The following FBXL4 variants were observed in gnomAD, a reference collection of about 807,000 sequenced individuals.
FBXL4 encodes F-box/LRR-repeat protein 4.
In FBXL4, 40 loss-of-function variants were observed where a neutral mutation model predicts 58.9. The observed-to-expected ratio is 0.68, with a 90% CI of 0.53 to 0.88. FBXL4 has a LOEUF of 0.88. Ranked by LOEUF, FBXL4 falls within the 40% of genes least tolerant of loss-of-function variation. The pLI is 0.00. For synonymous variants in FBXL4, 263 were observed against 265.5 expected, an observed-to-expected ratio of 0.99 and a Z score of 0.09; for missense variants, 676 against 734.4, an observed-to-expected ratio of 0.92 and a Z score of 0.92.
At chr6:98,910,906 G>A (rs1562234771) in intron 5 of FBXL4, among the ~76,000 whole-genome samples, 2 of 152,214 alleles carry the variant, frequency 1.3e-5, no homozygotes, top group Admixed American at 1.3e-4. Flanking sequence ...CAAGGGATCA[G>A]GGAGTTCCCT....
Position 98,899,581 on chromosome 6 carries a change from T to C in FBXL4, c.1104-100A>G, listed in dbSNP as rs985442926. On this transcript the variant is annotated intron_variant, in intron 6 of 9. Coordinates refer to ENST00000369244, the MANE Select transcript of FBXL4 (RefSeq NM_001278716.2). ...CTCTAAGTAGATACATTTGAAAGAA[T>C]AGATTTCTATTAGGGAAAATGTAAA... 43 of 1,300,116 alleles carry C rather than the reference T, an allele frequency of 3.3e-5. No homozygotes were observed. The African/African-American group carries it at 4.0e-4, about 12-fold the overall frequency. The allele number at this position is 1,300,116 out of a possible 1,614,324, so 80.5% of individuals were successfully genotyped here. A position where few individuals can be genotyped will look rare whatever the true frequency, so the allele number is the denominator to read the frequency against.
chr6:98,912,087 T>C (rs894578593), intron 5 of FBXL4, among the ~76,000 whole-genome samples: 2 of 151,810 alleles, frequency 1.3e-5, no homozygotes, highest in African/African-American at 4.8e-5. Context: ...TGATGGAAGA[T>C]GAAATGAATG....
At chr6:98,886,337 A>C (rs1405191045) in intron 7 of FBXL4, among the ~76,000 whole-genome samples, 6 of 152,150 alleles carry the variant, frequency 3.9e-5, no homozygotes, top group African/African-American at 1.4e-4. Context: ...GGTGTGTATA[A>C]AACTTACAGC....
At chr6:98,887,456 A>G (rs937675435) in intron 7 of FBXL4, among the ~76,000 whole-genome samples, 1 of 152,190 alleles carries the variant, frequency 6.6e-6, no homozygotes, top group Non-Finnish European at 1.5e-5. Context: ...ACTGAAGTCT[A>G]ATTATATATG....
Position 98,917,369 on chromosome 6 carries a change from C to G in FBXL4, c.858+5G>C, listed in dbSNP as rs1257765682. 1 of 1,578,868 alleles carries G rather than the reference C, an allele frequency of 6.3e-7. No individual in the cohort carries two copies. Among genetic ancestry groups the G allele is most frequent in the Non-Finnish European group, 8.6e-7 (1 of 1,162,332 alleles). On this transcript the variant is annotated splice_donor_5th_base_variant and intron_variant, in intron 5 of 9. Transcript: ENST00000369244. ...CAATACTGCTGCTAAATATTTTTGG[C>G]TTACCTCATAAGGTAGTTTATCAAA...
At position 98,873,095 on chromosome 6, in the gene FBXL4, A is replaced by G. The variant is rs1455862659; in HGVS notation, c.*1183T>C. The G allele has an allele frequency of 6.6e-6, 1 of 151,866 alleles. No homozygotes were observed. Among genetic ancestry groups the G allele is most frequent in the Non-Finnish European group, 1.5e-5 (1 of 67,966 alleles). 9.4% of individuals were successfully genotyped at this position (151,866 alleles called of 1,614,324 possible). A position where few individuals can be genotyped will look rare whatever the true frequency, so the allele number is the denominator to read the frequency against. ...GCATGAAAAGGCACAGCTGTTTTGA[A>G]CACAAAACTAATATTAACTGTAGTA... On this transcript the variant is annotated 3_prime_UTR_variant, in exon 10 of 10. Transcript: ENST00000369244.
chr6:98,913,547 A>G (rs1274562108), intron 5 of FBXL4, among the ~76,000 whole-genome samples: 1 of 152,174 alleles, frequency 6.6e-6, no homozygotes, highest in Non-Finnish European at 1.5e-5. Context: ...AAACTGAACA[A>G]CCTGCTCCTG....
At chr6:98,922,191 G>C (rs548059608) in intron 4 of FBXL4, among the ~76,000 whole-genome samples, 5 of 152,264 alleles carry the variant, frequency 3.3e-5, no homozygotes, top group Middle Eastern at 3.4e-3. Context: ...CTCCCAAAGT[G>C]CTGGGATTAC....
At chr6:98,891,150 T>C (rs1771212617) in intron 7 of FBXL4, among the ~76,000 whole-genome samples, 1 of 152,188 alleles carries the variant, frequency 6.6e-6, no homozygotes, top group African/African-American at 2.4e-5. Context: ...TAATATTGTC[T>C]TTCACAACTT....
At chr6:98,939,988 A>C (rs1258405225) in intron 1 of FBXL4, among the ~76,000 whole-genome samples, 1 of 152,210 alleles carries the variant, frequency 6.6e-6, no homozygotes, top group Non-Finnish European at 1.5e-5. Flanking sequence ...TACCACAGCT[A>C]ATTTTATGCA....
chr6:98,911,952 T>C (rs1034814979), intron 5 of FBXL4, among the ~76,000 whole-genome samples: 1 of 152,056 alleles, frequency 6.6e-6, no homozygotes, highest in Non-Finnish European at 1.5e-5. Flanking sequence ...AATGTATAAC[T>C]AGAATAACCA....
intron 7 of FBXL4, chr6:98,898,462 G>A (rs1771483733): frequency 2.0e-6 from 2 of 978,606 alleles, no homozygotes; most frequent in Non-Finnish European, 2.4e-6. Flanking sequence ...AAAATTAGCT[G>A]GGCATGGTGG....
At chr6:98,936,865 G>A (rs944884603) in intron 1 of FBXL4, among the ~76,000 whole-genome samples, 44 of 152,280 alleles carry the variant, frequency 2.9e-4, no homozygotes, top group African/African-American at 1.1e-3. Context: ...TTTGTGTCTA[G>A]CTTATTTTGT....
chr6:98,892,990 A>C (rs1363592477), intron 7 of FBXL4, among the ~76,000 whole-genome samples: 1 of 152,148 alleles, frequency 6.6e-6, no homozygotes, highest in Admixed American at 6.5e-5. Context: ...TATAACTCCA[A>C]CTTTTAAAAA....
intron 7 of FBXL4, among the ~76,000 whole-genome samples, chr6:98,890,844 G>A (rs564737221): frequency 6.6e-6 from 1 of 152,154 alleles, no homozygotes; most frequent in African/African-American, 2.4e-5. Flanking sequence ...GCTTGGACTA[G>A]GGAGGCGGAG....
At chr6:98,899,194 T>G in intron 7 of FBXL4, 74 bp downstream of exon 7, 1 of 1,577,842 alleles carries the variant, frequency 6.3e-7, no homozygotes, top group Non-Finnish European at 8.6e-7. Context: ...CACATTATTA[T>G]GAGCAATTAC....
intron 7 of FBXL4, among the ~76,000 whole-genome samples, chr6:98,886,862 T>C (rs545238451): frequency 1.3e-5 from 2 of 152,200 alleles, no homozygotes; most frequent in African/African-American, 4.8e-5. Flanking sequence ...CTTGGAACAC[T>C]GTCACCTAGC....
intron 2 of FBXL4, among the ~76,000 whole-genome samples, chr6:98,928,155 C>A (rs142403134): frequency 6.6e-6 from 1 of 152,116 alleles, no homozygotes; most frequent in Non-Finnish European, 1.5e-5. Flanking sequence ...GAGGCATGAG[C>A]TCTCTCAGTG....
At chr6:98,899,963 C>G (rs1771545538) in intron 6 of FBXL4, among the ~76,000 whole-genome samples, 1 of 152,170 alleles carries the variant, frequency 6.6e-6, no homozygotes, top group Non-Finnish European at 1.5e-5. Flanking sequence ...CTAGGCTCCT[C>G]TCAGCTCAGA....
Sources: gnomAD v4.1 joint callset for allele counts (sites outside exome capture counted in the v4.1 genomes callset) on GRCh38, gnomAD v4.1.1 for gene constraint, MANE v1.5 for transcripts, NCBI Gene and HGNC (gene_info 2026-07-23, HGNC 2026-07-21) for gene names.